ROBO2: variants seen among roughly 807,000 people sequenced by gnomAD.
ROBO2 encodes roundabout guidance receptor 2.
ROBO2 carries 53 observed loss-of-function variants against 160.8 expected under a neutral mutation model. The observed-to-expected ratio is 0.33, with a 90% CI of 0.26 to 0.41. The LOEUF is 0.41. ROBO2 is among the 10% of genes least tolerant of loss of function. ROBO2 has a pLI of 1.00. For missense variants in ROBO2, 1,577 were observed against 1,722.4 expected (o/e 0.92, Z 1.49); for synonymous variants, 664 against 611.7 (o/e 1.09, Z -1.26).
chr3:76,001,346 T>C (rs1466191087), intron 2 of ROBO2, among the ~76,000 whole-genome samples: 1 of 152,206 alleles, frequency 6.6e-6, no homozygotes, highest in Non-Finnish European at 1.5e-5. Flanking sequence ...CTTAGTGTTA[T>C]TATTGTTGTT....
intron 2 of ROBO2, among the ~76,000 whole-genome samples, chr3:76,174,503 T>G (rs888359869): frequency 3.3e-5 from 5 of 152,054 alleles, no homozygotes; most frequent in Non-Finnish European, 2.9e-5. Context: ...TTAGGTTTTA[T>G]GTTTAAGTAT....
intron 2 of ROBO2, among the ~76,000 whole-genome samples, chr3:77,350,968 T>C (rs1461478889): frequency 6.6e-6 from 1 of 152,246 alleles, no homozygotes; most frequent in African/African-American, 2.4e-5. Context: ...TTATTTTTAA[T>C]GCTTGCATGT....
At chr3:77,481,009 C>T (rs1364677828) in intron 3 of ROBO2, 90 bp from the exon 4 acceptor site, 22 of 1,188,366 alleles carry the variant, frequency 1.9e-5, no homozygotes, top group Non-Finnish European at 1.6e-5. Context: ...CAAATATGCT[C>T]AAATACTCAA....
At chr3:77,234,246 C>T (rs2087628685) in intron 2 of ROBO2, among the ~76,000 whole-genome samples, 1 of 152,148 alleles carries the variant, frequency 6.6e-6, no homozygotes. Flanking sequence ...TCTGATTCTT[C>T]CCCCTCCCAT....
chr3:76,707,696 C>T (rs2093196161), intron 2 of ROBO2, among the ~76,000 whole-genome samples: 2 of 147,502 alleles, frequency 1.4e-5, no homozygotes, highest in East Asian at 2.0e-4. Flanking sequence ...CCACACCAGG[C>T]ACACATACAC....
intron 2 of ROBO2, among the ~76,000 whole-genome samples, chr3:76,839,269 T>C (rs1288433795): frequency 6.6e-6 from 1 of 152,152 alleles, no homozygotes; most frequent in African/African-American, 2.4e-5. Context: ...TAATAAGCAC[T>C]GTTGACATTC....
chr3:77,516,880 A>G (rs2153621951), intron 5 of ROBO2, among the ~76,000 whole-genome samples: 1 of 151,718 alleles, frequency 6.6e-6, no homozygotes, highest in East Asian at 2.0e-4. Context: ...ACCATGCTAT[A>G]AAGAAGTAGA....
At chr3:77,268,728 G>A (rs1437751675) in intron 2 of ROBO2, among the ~76,000 whole-genome samples, 1 of 152,186 alleles carries the variant, frequency 6.6e-6, no homozygotes, top group Non-Finnish European at 1.5e-5. Flanking sequence ...ATCACTGCAA[G>A]CAAGAAGCAG....
chr3:77,602,072 C>A (rs1357911538), intron 19 of ROBO2, 138 bp from the exon 21 acceptor site: 1 of 842,012 alleles, frequency 1.2e-6, no homozygotes, highest in Admixed American at 2.0e-5. Context: ...TATCATCTAC[C>A]CTTCAGTGGC....
intron 2 of ROBO2, among the ~76,000 whole-genome samples, chr3:76,794,353 A>G (rs1199015330): frequency 6.6e-6 from 1 of 151,980 alleles, no homozygotes; most frequent in Non-Finnish European, 1.5e-5. Context: ...ATTTAGAAAC[A>G]CTTGCATTTT....
chr3:75,935,233 A>C (rs773951122), intron 1 of ROBO2, among the ~76,000 whole-genome samples: 83 of 152,188 alleles, frequency 5.5e-4, no homozygotes, highest in Non-Finnish European at 1.0e-3. Context: ...TAATTGAAGA[A>C]ATCAAAAAAC....
At chr3:76,919,506 A>G (rs186293497) in intron 2 of ROBO2, among the ~76,000 whole-genome samples, 3 of 152,288 alleles carry the variant, frequency 2.0e-5, no homozygotes, top group Admixed American at 1.3e-4. Flanking sequence ...ATTTAATAGT[A>G]TCTTCTTGTT....
At chr3:76,163,675 T>G (rs2106938044) in intron 2 of ROBO2, among the ~76,000 whole-genome samples, 1 of 152,042 alleles carries the variant, frequency 6.6e-6, no homozygotes, top group South Asian at 2.1e-4. Context: ...TCAATGCATA[T>G]CAAAACAATG....
At chr3:77,334,377 C>T (rs995080298) in intron 2 of ROBO2, among the ~76,000 whole-genome samples, 4 of 152,162 alleles carry the variant, frequency 2.6e-5, no homozygotes, top group Admixed American at 6.5e-5. Context: ...TGCTTGGCTT[C>T]GGGCACTAAT....
At chr3:76,990,787 C>T (rs1028987179) in intron 2 of ROBO2, among the ~76,000 whole-genome samples, 1 of 152,136 alleles carries the variant, frequency 6.6e-6, no homozygotes, top group African/African-American at 2.4e-5. Context: ...CTCAAGCATG[C>T]ATATCAAGAG....
At chr3:76,842,089 C>T (rs2068331331) in intron 2 of ROBO2, among the ~76,000 whole-genome samples, 1 of 152,166 alleles carries the variant, frequency 6.6e-6, no homozygotes, top group Non-Finnish European at 1.5e-5. Context: ...CTTATTTTGC[C>T]ACAATCGTGT....
In ROBO2 at chr3:76,336,893, A is replaced by G. The variant is rs544615044; in HGVS notation, c.109+399291A>G. On this transcript the variant is annotated intron_variant, in intron 2 of 26. Transcript: ENST00000487694. Reference sequence around the variant, plus strand: ...ACTTTAAGTATATATTTAATTGTCAATTAGGTAAAATATGATTCTAATTCC... The same window carrying G: ...ACTTTAAGTATATATTTAATTGTCAGTTAGGTAAAATATGATTCTAATTCC... 8.5e-5 allele frequency among the ~76,000 whole-genome samples: 13 copies of G among 152,276 alleles called. 1 individual carries two copies. Among genetic ancestry groups the G allele is most frequent in the Admixed American group, 5.2e-4 (8 of 15,294 alleles).
At chr3:77,351,956 G>A (rs886710175) in intron 2 of ROBO2, among the ~76,000 whole-genome samples, 1 of 151,882 alleles carries the variant, frequency 6.6e-6, no homozygotes, top group South Asian at 2.1e-4. Context: ...GTGGAGTGGG[G>A]GCAGGGGGGA....
At chr3:76,606,651 T>C (rs551631434) in intron 2 of ROBO2, among the ~76,000 whole-genome samples, 2 of 152,282 alleles carry the variant, frequency 1.3e-5, no homozygotes, top group East Asian at 1.9e-4. Context: ...TGTTGGTTTT[T>C]TTTGTCTCCA....
Sources: allele counts gnomAD v4.1 joint callset (sites outside exome capture counted in the v4.1 genomes callset), GRCh38; gene constraint gnomAD v4.1.1; transcripts MANE v1.5; gene names NCBI Gene and HGNC (gene_info 2026-07-23, HGNC 2026-07-21).